ANO3: variants seen among roughly 807,000 people sequenced by gnomAD.
ANO3 encodes the protein anoctamin-3.
In ANO3, 99 loss-of-function variants were observed where a neutral mutation model predicts 144.8. The ratio of observed to expected loss-of-function variants is 0.68; its 90% confidence interval spans 0.58 to 0.81. ANO3 has a LOEUF of 0.81. ANO3 is among the 30% of genes least tolerant of loss of function. ANO3 has a pLI of 0.00. For missense variants in ANO3, 905 were observed against 1,202.2 expected (o/e 0.75, Z 3.66); for synonymous variants, 414 against 392.6 (o/e 1.05, Z -0.64).
At chr11:26,632,705 T>C (rs1403735709) in intron 18 of ANO3, among the ~76,000 whole-genome samples, 1 of 151,724 alleles carries the variant, frequency 6.6e-6, no homozygotes, top group East Asian at 1.9e-4. Context: ...ACAAAACTTA[T>C]CCACACAATT....
intron 3 of ANO3, among the ~76,000 whole-genome samples, chr11:26,453,617 A>G (rs1189571829): frequency 1.3e-5 from 2 of 152,070 alleles, no homozygotes; most frequent in African/African-American, 4.8e-5. Context: ...TTAGACTCCC[A>G]CACATTAATA....
chr11:26,208,512 C>CAAAAAAAAAAAAAAAAAAAAAAAAA (rs67196052), intron 1 of ANO3, among the ~76,000 whole-genome samples: 90 of 121,720 alleles, frequency 7.4e-4, no homozygotes, highest in African/African-American at 2.8e-3. Flanking sequence ...GACTCCGTCT[C>CAAAAAAAAAAAAAAAAAAAAAAAAA]AAAAAAAAAA....
intron 1 of ANO3, among the ~76,000 whole-genome samples, chr11:26,339,179 A>G (rs938973061): frequency 1.5e-4 from 22 of 148,228 alleles, no homozygotes; most frequent in Non-Finnish European, 2.8e-4. Context: ...TTTTTGATGG[A>G]GTCTGGCTCT....
chr11:26,366,071 T>G (rs547221435), intron 1 of ANO3, among the ~76,000 whole-genome samples: 1 of 149,880 alleles, frequency 6.7e-6, no homozygotes, highest in East Asian at 2.0e-4. Flanking sequence ...TGTATACATG[T>G]GCCTTGTTGG....
chr11:26,194,189 C>T (rs1851532860), intron 1 of ANO3, among the ~76,000 whole-genome samples: 1 of 151,980 alleles, frequency 6.6e-6, no homozygotes, highest in South Asian at 2.1e-4. Flanking sequence ...TGTGCTGGGG[C>T]TCACAATTTA....
At chr11:26,470,926 A>G (rs866003117) in intron 4 of ANO3, among the ~76,000 whole-genome samples, 3 of 151,980 alleles carry the variant, frequency 2.0e-5, no homozygotes, top group Non-Finnish European at 4.4e-5. Flanking sequence ...ATTTTGTTAC[A>G]CTGGCATGAC....
At chr11:26,248,550 C>A (rs1852851771) in intron 1 of ANO3, among the ~76,000 whole-genome samples, 1 of 152,008 alleles carries the variant, frequency 6.6e-6, no homozygotes, top group African/African-American at 2.4e-5. Context: ...TTCATTACAA[C>A]AAAAGACAAA....
At chr11:26,264,837 C>A (rs537405349) in intron 1 of ANO3, among the ~76,000 whole-genome samples, 3 of 151,906 alleles carry the variant, frequency 2.0e-5, no homozygotes, top group South Asian at 2.1e-4. Context: ...ACCCTAATGA[C>A]TTTATTCCAT....
At chr11:26,512,712 A>T (rs1861712789) in intron 5 of ANO3, among the ~76,000 whole-genome samples, 1 of 152,182 alleles carries the variant, frequency 6.6e-6, no homozygotes, top group Non-Finnish European at 1.5e-5. Flanking sequence ...ACATCCTTCT[A>T]AAGCATCCCC....
intron 1 of ANO3, among the ~76,000 whole-genome samples, chr11:26,294,391 TA>T (rs1283429064): frequency 6.6e-6 from 1 of 152,226 alleles, no homozygotes; most frequent in Non-Finnish European, 1.5e-5. Flanking sequence ...TGTTTTACTT[TA>T]TTTTTTTAAA....
At chr11:26,332,098 C>T (rs1029488006), upstream of ANO3, 85 of 1,476,050 alleles carry the variant, frequency 5.8e-5, no homozygotes, top group Middle Eastern at 1.5e-3. Context: ...TCCCGCGTTC[C>T]CATGACAACG....
At chr11:26,292,223 C>T (rs181660476) in intron 1 of ANO3, among the ~76,000 whole-genome samples, 8 of 152,288 alleles carry the variant, frequency 5.3e-5, no homozygotes, top group Non-Finnish European at 8.8e-5. Context: ...CTTGTGCATG[C>T]ATCACATAGT....
intron 14 of ANO3, chr11:26,563,098 A>G: frequency 6.2e-7 from 1 of 1,610,362 alleles, no homozygotes; most frequent in Non-Finnish European, 8.5e-7. Context: ...CAGGTGAAGT[A>G]TTGAAAATAG....
chr11:26,604,418 A>G (rs543444289), intron 17 of ANO3, among the ~76,000 whole-genome samples: 3 of 152,044 alleles, frequency 2.0e-5, no homozygotes, highest in Non-Finnish European at 4.4e-5. Flanking sequence ...TTCATATGAA[A>G]CTTAAAGTAG....
chr11:26,283,754 G>A (rs1231930601), intron 1 of ANO3, among the ~76,000 whole-genome samples: 1 of 152,060 alleles, frequency 6.6e-6, no homozygotes, highest in Non-Finnish European at 1.5e-5. Context: ...AGACAGACTT[G>A]ATGCCTTAAA....
chr11:26,208,450 T>C (rs1490976315), intron 1 of ANO3: 4 of 151,152 alleles, frequency 2.6e-5, no homozygotes, highest in Non-Finnish European at 5.9e-5. Flanking sequence ...GAGGCGGGGC[T>C]TGCAGTGAGC....
At position 26,407,049 on chromosome 11, in the gene ANO3, T is replaced by G. The variant is rs1295270851; in HGVS notation, c.47-34869T>G. On this transcript the variant is annotated intron_variant, in intron 1 of 26. Coordinates refer to ENST00000256737, the MANE Select transcript of ANO3 (RefSeq NM_031418.4). Reference sequence around the variant, plus strand: ...AGGTGTGTGTGTATATATATATGGGTGTGTGTGTGTGTGTGTGTGTGTGTG... The same window carrying G: ...AGGTGTGTGTGTATATATATATGGGGGTGTGTGTGTGTGTGTGTGTGTGTG... Among the ~76,000 whole-genome samples the G allele has an allele frequency of 3.6e-3, 268 of 73,432 alleles. 1 individual carries two copies. The highest frequency in any genetic ancestry group is 0.011 in the African/African-American group (239 of 21,516). The allele number at this position is 73,432 out of a possible 152,430, so 48.2% of individuals were successfully genotyped here. A position where few individuals can be genotyped will look rare whatever the true frequency, so the allele number is the denominator to read the frequency against.
chr11:26,642,125 C>T, intron 22 of ANO3, 96 bp downstream of exon 22: 1 of 1,373,510 alleles, frequency 7.3e-7, no homozygotes, highest in Non-Finnish European at 1.0e-6. Context: ...TATCTCTTTC[C>T]TTTCCAACCC....
At chr11:26,268,051 A>C (rs1307616267) in intron 1 of ANO3, among the ~76,000 whole-genome samples, 1 of 152,212 alleles carries the variant, frequency 6.6e-6, no homozygotes, top group Non-Finnish European at 1.5e-5. Flanking sequence ...ATTCCATGTT[A>C]CATATACTGG....
Sources: gnomAD v4.1 joint callset for allele counts (sites outside exome capture counted in the v4.1 genomes callset) on GRCh38, gnomAD v4.1.1 for gene constraint, MANE v1.5 for transcripts, NCBI Gene and HGNC (gene_info 2026-07-23, HGNC 2026-07-21) for gene names.